Variants in CCDC30 observed in about 807,000 individuals in gnomAD.
The protein encoded by CCDC30 is coiled-coil domain-containing protein 30.
Under a neutral mutation model 100.2 loss-of-function variants are expected in CCDC30, and 70 were observed. The ratio of observed to expected loss-of-function variants is 0.70; its 90% CI spans 0.58 to 0.85. The LOEUF (loss-of-function observed/expected upper bound fraction) is 0.85. Among genes scored for constraint, CCDC30 ranks in the 40% least tolerant of loss-of-function variants. CCDC30 has a pLI of 0.00. For missense variants in CCDC30, 652 were observed against 771.2 expected (o/e 0.85, Z 1.83); for synonymous variants, 233 against 269.5 (o/e 0.86, Z 1.33).
At chr1:42,589,424 A>G in exon 10 of CCDC30, 1 of 1,614,102 alleles carries the variant, frequency 6.2e-7, no homozygotes, top group Non-Finnish European at 8.5e-7. Flanking sequence ...ACAATCCAGA[A>G]TTCAGCAACA....
intron 4 of CCDC30, chr1:42,491,978 AT>A: frequency 8.0e-6 from 7 of 878,232 alleles, no homozygotes; most frequent in East Asian, 2.7e-5. Context: ...ATGAAGTTGC[AT>A]TTAGAAAATT....
At chr1:42,575,813 C>T (rs1214838882) in intron 7 of CCDC30, among the ~76,000 whole-genome samples, 1 of 152,026 alleles carries the variant, frequency 6.6e-6, no homozygotes, top group Non-Finnish European at 1.5e-5. Flanking sequence ...AAGGACATTT[C>T]AGATTAAATG....
intron 6 of CCDC30, among the ~76,000 whole-genome samples, chr1:42,543,443 A>AT (rs1242647233): frequency 2.0e-5 from 3 of 151,898 alleles, no homozygotes; most frequent in Admixed American, 1.3e-4. Flanking sequence ...TGCCTCAGCC[A>AT]TCCGAGTAAC....
At chr1:42,531,373 T>C (rs1026084399) in intron 6 of CCDC30, among the ~76,000 whole-genome samples, 2 of 152,164 alleles carry the variant, frequency 1.3e-5, no homozygotes, top group African/African-American at 2.4e-5. Flanking sequence ...TTTTATACTA[T>C]TATAAATGCA....
Position 42,524,549 on chromosome 1 carries a change from CTCTG to C in CCDC30, c.456+25639_456+25642del, listed in dbSNP as rs543147951. Among the ~76,000 whole-genome samples the C allele has an allele frequency of 1.9e-3, 296 of 152,298 alleles. 1 individual carries two copies. The highest frequency in any genetic ancestry group is 6.8e-3 in the African/African-American group (284 of 41,560). On this transcript the variant is annotated intron_variant, in intron 6 of 16. Coordinates refer to ENST00000668663, the Ensembl canonical transcript of CCDC30. Reference sequence around the variant, plus strand: ...AGGTGCAAAAACAATGGCCACCTGACTCTGTCTGTACCTACATGAGCGAAAGCAG... The same window carrying C: ...AGGTGCAAAAACAATGGCCACCTGACTCTGTACCTACATGAGCGAAAGCAG...
chr1:42,634,249 C>CAAAAAAAAAAAAA (rs754829759), intron 11 of CCDC30, among the ~76,000 whole-genome samples: 2 of 115,316 alleles, frequency 1.7e-5, no homozygotes, highest in Non-Finnish European at 3.6e-5. Flanking sequence ...AAGACTGTCT[C>CAAAAAAAAAAAAA]AAAAAAAAAA....
intron 6 of CCDC30, 96 bp downstream of exon 7, chr1:42,536,697 G>A: frequency 2.3e-6 from 2 of 883,652 alleles, no homozygotes; most frequent in East Asian, 2.6e-5. Flanking sequence ...ATGTGTCTCA[G>A]CTTGGGCTGC....
chr1:42,644,564 G>T, intron 13 of CCDC30, 129 bp from the exon 18 acceptor site: 1 of 621,854 alleles, frequency 1.6e-6, no homozygotes, highest in Non-Finnish European at 2.9e-6. Context: ...GAATTATTCT[G>T]TCAAACTTGC....
intron 6 of CCDC30, among the ~76,000 whole-genome samples, chr1:42,525,859 G>C (rs1557825923): frequency 6.6e-6 from 1 of 152,102 alleles, no homozygotes; most frequent in Non-Finnish European, 1.5e-5. Flanking sequence ...TAGCTGGTCA[G>C]AACTCAAACA....
chr1:42,546,944 C>T (rs1346272805), intron 6 of CCDC30, among the ~76,000 whole-genome samples: 4 of 152,100 alleles, frequency 2.6e-5, no homozygotes, highest in African/African-American at 9.7e-5. Context: ...CTAAAGGATA[C>T]ATTCATCAAT....
intron 10 of CCDC30, chr1:42,593,001 A>C (rs186276099): frequency 6.6e-6 from 1 of 152,302 alleles, no homozygotes. Context: ...AACTTCTGAC[A>C]CCAGTTATGT....
intron 6 of CCDC30, among the ~76,000 whole-genome samples, chr1:42,526,759 C>A (rs1644729928): frequency 6.6e-6 from 1 of 152,120 alleles, no homozygotes; most frequent in Non-Finnish European, 1.5e-5. Context: ...TTGCCACATG[C>A]ATTGGATAAA....
intron 11 of CCDC30, among the ~76,000 whole-genome samples, chr1:42,617,352 C>T (rs942824760): frequency 1.3e-5 from 2 of 152,114 alleles, no homozygotes; most frequent in Non-Finnish European, 2.9e-5. Context: ...AGCTGTCTGG[C>T]ATGAGAAGTT....
intron 1 of CCDC30, among the ~76,000 whole-genome samples, chr1:42,478,981 T>A (rs575464850): frequency 8.1e-4 from 124 of 152,294 alleles, no homozygotes; most frequent in Non-Finnish European, 1.4e-3. Flanking sequence ...GATGTGGACA[T>A]GCAAGGTCCT....
chr1:42,506,135 C>G (rs1246736173), intron 6 of CCDC30, among the ~76,000 whole-genome samples: 1 of 152,122 alleles, frequency 6.6e-6, no homozygotes, highest in Non-Finnish European at 1.5e-5. Flanking sequence ...CTGTAGATAG[C>G]TTAAAATAAA....
chr1:42,627,323 G>C (rs1041659101), intron 11 of CCDC30, among the ~76,000 whole-genome samples: 26 of 152,154 alleles, frequency 1.7e-4, no homozygotes, highest in Admixed American at 1.2e-3. Context: ...CATTCAAAAC[G>C]TGACTTGGGT....
intron 1 of CCDC30, among the ~76,000 whole-genome samples, chr1:42,476,174 A>G (rs114371193): frequency 0.027 from 4,039 of 152,312 alleles, 64 homozygotes; most frequent in Non-Finnish European, 0.036. Flanking sequence ...TTTTCCTTCT[A>G]GCAAAGGGAG....
intron 6 of CCDC30, among the ~76,000 whole-genome samples, chr1:42,514,747 A>C (rs1413852286): frequency 6.6e-6 from 1 of 152,156 alleles, no homozygotes; most frequent in African/African-American, 2.4e-5. Context: ...TCAGCCTACC[A>C]GGTTCAAGTG....
chr1:42,641,637 C>T (rs1039907402), intron 12 of CCDC30, among the ~76,000 whole-genome samples: 10 of 152,140 alleles, frequency 6.6e-5, no homozygotes, highest in Middle Eastern at 3.4e-3. Flanking sequence ...GAGGCCTAGG[C>T]GGGCAGATCA....
Sources: gnomAD v4.1 joint callset for allele counts (sites outside exome capture counted in the v4.1 genomes callset) on GRCh38, gnomAD v4.1.1 for gene constraint, MANE v1.5 for transcripts, NCBI Gene and HGNC (gene_info 2026-07-23, HGNC 2026-07-21) for gene names.